TEAD1: variants seen among roughly 807,000 people sequenced by gnomAD.
TEAD1 encodes the protein TEA domain transcription factor 1.
Under a neutral mutation model 54.9 loss-of-function variants are expected in TEAD1, and 9 were observed. The ratio of observed to expected loss-of-function variants is 0.16; its 90% CI spans 0.10 to 0.29. The LOEUF (loss-of-function observed/expected upper bound fraction) is 0.29, where lower values mean the gene tolerates loss of function less well. Among genes scored for constraint, TEAD1 ranks in the 10% least tolerant of loss-of-function variants. The probability of loss-of-function intolerance (pLI) is 1.00; values close to 1 mark genes in which losing one functional copy is unlikely to be tolerated. For missense variants in TEAD1, 387 were observed against 535.9 expected (o/e 0.72, Z 2.74); for synonymous variants, 200 against 187.8 (o/e 1.07, Z -0.53).
intron 2 of TEAD1, among the ~76,000 whole-genome samples, chr11:12,760,646 C>G (rs988976902): frequency 1.3e-5 from 2 of 152,098 alleles, no homozygotes; most frequent in Non-Finnish European, 2.9e-5. Flanking sequence ...TGATTATAAT[C>G]AAGTGCTTGT....
intron 3 of TEAD1, among the ~76,000 whole-genome samples, chr11:12,820,944 A>G (rs1386731262): frequency 6.6e-6 from 1 of 152,196 alleles, no homozygotes; most frequent in East Asian, 1.9e-4. Context: ...GCTGCTGCTG[A>G]TGACAAAGGG....
chr11:12,738,108 CAT>C (rs926962522), intron 2 of TEAD1, among the ~76,000 whole-genome samples: 4 of 152,172 alleles, frequency 2.6e-5, no homozygotes, highest in Non-Finnish European at 4.4e-5. Flanking sequence ...CCTCCCACAA[CAT>C]GTGGGAATTA....
At chr11:12,684,653 C>T (rs1201677679) in intron 2 of TEAD1, among the ~76,000 whole-genome samples, 1 of 152,210 alleles carries the variant, frequency 6.6e-6, no homozygotes, top group Non-Finnish European at 1.5e-5. Context: ...ATGTTATCTA[C>T]TTGGAAGAGT....
At chr11:12,930,961 T>C (rs1949002219) in intron 12 of TEAD1, among the ~76,000 whole-genome samples, 1 of 152,190 alleles carries the variant, frequency 6.6e-6, no homozygotes, top group Non-Finnish European at 1.5e-5. Context: ...AAAATGTTCT[T>C]CATAGGCTAA....
Position 12,885,043 on chromosome 11 carries a change from T to G in TEAD1, c.699+1918T>G, listed in dbSNP as rs147279632. ...TTCATTCTGTCCTTACAGTGCCCCA[T>G]CAGATAGGTTCTGTTTTCCCCATGA... On this transcript the variant is annotated intron_variant, in intron 9 of 12. Transcript: ENST00000527636. Among the ~76,000 whole-genome samples, 109 of 152,248 alleles carry G rather than the reference T, an allele frequency of 7.2e-4. 2 individuals carry two copies. Among genetic ancestry groups the G allele is most frequent in the African/African-American group, 2.5e-3 (105 of 41,540 alleles).
At chr11:12,936,091 T>A (rs1307154443) in intron 12 of TEAD1, among the ~76,000 whole-genome samples, 1 of 152,238 alleles carries the variant, frequency 6.6e-6, no homozygotes, top group East Asian at 1.9e-4. Flanking sequence ...ATTCAAACAA[T>A]GCTTTGGCGT....
At chr11:12,904,295 A>C (rs1419356776) in intron 10 of TEAD1, among the ~76,000 whole-genome samples, 1 of 152,228 alleles carries the variant, frequency 6.6e-6, no homozygotes, top group East Asian at 1.9e-4. Flanking sequence ...AACAAATGAC[A>C]TTATTTGTTG....
rs1227765886 is a variant in TEAD1, at chr11:12,938,251, A to G, written c.*1029A>G. ...CACTGTGAGATGCAAAGTATACAGA[A>G]TCTGTGGCTGGGAGAAAATTTCATC... On this transcript the variant is annotated 3_prime_UTR_variant, in exon 13 of 13. Coordinates refer to ENST00000527636, the MANE Select transcript of TEAD1 (RefSeq NM_021961.6). 6.6e-6 allele frequency: 1 copy of G among 152,638 alleles called. No homozygotes were observed. Among genetic ancestry groups the G allele is most frequent in the African/African-American group, 2.4e-5 (1 of 41,460 alleles). 9.5% of individuals were successfully genotyped at this position (152,638 alleles called of 1,614,324 possible). A position where few individuals can be genotyped will look rare whatever the true frequency, so the allele number is the denominator to read the frequency against.
intron 2 of TEAD1, among the ~76,000 whole-genome samples, chr11:12,741,327 A>G (rs115682940): frequency 0.023 from 3,575 of 152,168 alleles, 154 homozygotes; most frequent in African/African-American, 0.082. Context: ...TTTGTCTTCT[A>G]ATGAATTTTC....
At chr11:12,916,005 G>A (rs537747352) in intron 10 of TEAD1, among the ~76,000 whole-genome samples, 19 of 152,200 alleles carry the variant, frequency 1.2e-4, no homozygotes, top group Admixed American at 3.9e-4. Context: ...CTTTTGATGG[G>A]GTGTATTTTT....
intron 2 of TEAD1, among the ~76,000 whole-genome samples, chr11:12,744,428 C>G (rs1276162049): frequency 1.3e-5 from 2 of 152,182 alleles, no homozygotes; most frequent in African/African-American, 4.8e-5. Flanking sequence ...TTATGTACCT[C>G]TTAAAAATCA....
At chr11:12,836,617 A>C (rs1480437989) in intron 3 of TEAD1, among the ~76,000 whole-genome samples, 4 of 152,108 alleles carry the variant, frequency 2.6e-5, no homozygotes, top group African/African-American at 9.7e-5. Flanking sequence ...GGGCCTTAGT[A>C]AATTTCAAAT....
intron 9 of TEAD1, among the ~76,000 whole-genome samples, chr11:12,898,520 G>A (rs533608343): frequency 1.3e-5 from 2 of 151,448 alleles, no homozygotes; most frequent in East Asian, 2.0e-4. Flanking sequence ...TCAGCCTCCC[G>A]AGTAGCTGGG....
At chr11:12,870,568 C>G (rs868036406) in intron 5 of TEAD1, among the ~76,000 whole-genome samples, 2 of 152,126 alleles carry the variant, frequency 1.3e-5, no homozygotes, top group Non-Finnish European at 2.9e-5. Flanking sequence ...CCCCGCCCCC[C>G]CCGGGGTTGG....
intron 3 of TEAD1, among the ~76,000 whole-genome samples, chr11:12,767,055 T>G (rs1157946845): frequency 6.6e-6 from 1 of 152,126 alleles, no homozygotes; most frequent in South Asian, 2.1e-4. Context: ...ATGGGACTAT[T>G]GGTGGTGGAG....
At chr11:12,771,634 G>A (rs1337655767) in intron 3 of TEAD1, among the ~76,000 whole-genome samples, 1 of 152,202 alleles carries the variant, frequency 6.6e-6, no homozygotes, top group Admixed American at 6.5e-5. Context: ...TATGCTTGAT[G>A]TACTGGATGA....
intron 11 of TEAD1, among the ~76,000 whole-genome samples, chr11:12,926,238 A>G (rs751217481): frequency 2.5e-4 from 38 of 152,284 alleles, no homozygotes; most frequent in Non-Finnish European, 4.3e-4. Flanking sequence ...GGGCTAAGCA[A>G]TGAGGATTTG....
At chr11:12,759,557 A>G (rs1284617116) in intron 2 of TEAD1, among the ~76,000 whole-genome samples, 1 of 152,194 alleles carries the variant, frequency 6.6e-6, no homozygotes, top group Non-Finnish European at 1.5e-5. Context: ...GCTACAAAGT[A>G]TACATATTTT....
intron 3 of TEAD1, among the ~76,000 whole-genome samples, chr11:12,795,706 A>T (rs1480320625): frequency 6.6e-6 from 1 of 152,190 alleles, no homozygotes; most frequent in East Asian, 1.9e-4. Flanking sequence ...GGAAATGCAG[A>T]GTCTCAGGTC....
Sources: allele counts gnomAD v4.1 joint callset (sites outside exome capture counted in the v4.1 genomes callset), GRCh38; gene constraint gnomAD v4.1.1; transcripts MANE v1.5; gene names NCBI Gene and HGNC (gene_info 2026-07-23, HGNC 2026-07-21).